BRINP3: variants seen among roughly 807,000 people sequenced by gnomAD.
BRINP3 encodes BMP/retinoic acid inducible neural specific 3.
In BRINP3, 19 loss-of-function variants were observed where a neutral mutation model predicts 71.0. The ratio of observed to expected loss-of-function variants is 0.27; its 90% confidence interval spans 0.19 to 0.39. BRINP3 has a LOEUF of 0.39. Among genes scored for constraint, BRINP3 ranks in the 10% least tolerant of loss-of-function variants. The pLI is 1.00. For synonymous variants in BRINP3, 380 were observed against 337.7 expected (o/e 1.13, Z -1.37); for missense variants, 959 against 940.8 (o/e 1.02, Z -0.25).
chr1:190,196,655 T>C (rs946411526), intron 6 of BRINP3, among the ~76,000 whole-genome samples: 8 of 152,060 alleles, frequency 5.3e-5, no homozygotes, highest in Admixed American at 3.9e-4. Flanking sequence ...CATTAACTGA[T>C]AGGTTTTTTT....
intron 6 of BRINP3, among the ~76,000 whole-genome samples, chr1:190,221,102 C>G (rs1286382145): frequency 1.3e-5 from 2 of 152,076 alleles, no homozygotes; most frequent in Non-Finnish European, 2.9e-5. Context: ...CCTGTAATCC[C>G]AACTACTTGG....
chr1:190,147,698 C>T (rs1656010371), intron 7 of BRINP3, among the ~76,000 whole-genome samples: 1 of 152,176 alleles, frequency 6.6e-6, no homozygotes, highest in Non-Finnish European at 1.5e-5. Context: ...GAAAGACAAG[C>T]TGGAAGTCAG....
At chr1:190,294,497 C>T (rs1664102489) in intron 2 of BRINP3, among the ~76,000 whole-genome samples, 1 of 152,024 alleles carries the variant, frequency 6.6e-6, no homozygotes, top group South Asian at 2.1e-4. Flanking sequence ...AGTGATCCTC[C>T]TGCCTTGGCC....
At chr1:190,276,529 C>T (rs1571604051) in intron 3 of BRINP3, among the ~76,000 whole-genome samples, 1 of 150,786 alleles carries the variant, frequency 6.6e-6, no homozygotes, top group South Asian at 2.1e-4. Flanking sequence ...ATCTTACTAA[C>T]TTCTGACTTA....
At chr1:190,250,518 G>A (rs1184890620) in intron 4 of BRINP3, among the ~76,000 whole-genome samples, 1 of 151,904 alleles carries the variant, frequency 6.6e-6, no homozygotes, top group Admixed American at 6.6e-5. Context: ...TGATAAGCCT[G>A]TCCTTTATGT....
chr1:190,234,320 G>T, intron 5 of BRINP3, 52 bp downstream of exon 5: 1 of 1,356,162 alleles, frequency 7.4e-7, no homozygotes. Context: ...AATCACGACT[G>T]GATAATTGCT....
At chr1:190,099,441 C>G (rs1224623385) in intron 7 of BRINP3, among the ~76,000 whole-genome samples, 3 of 152,056 alleles carry the variant, frequency 2.0e-5, no homozygotes, top group African/African-American at 7.2e-5. Flanking sequence ...ACATTGCATG[C>G]TATCTCATTA....
intron 4 of BRINP3, among the ~76,000 whole-genome samples, chr1:190,258,860 TA>T (rs1364566548): frequency 6.6e-6 from 1 of 152,186 alleles, no homozygotes; most frequent in East Asian, 1.9e-4. Context: ...GAACAAGGGC[TA>T]GGCATAGTGG....
chr1:190,385,288 C>A (rs1370094581), intron 2 of BRINP3, among the ~76,000 whole-genome samples: 1 of 152,088 alleles, frequency 6.6e-6, no homozygotes, highest in Non-Finnish European at 1.5e-5. Context: ...TCAGAGTGAA[C>A]AGACAGCCTA....
intron 2 of BRINP3, among the ~76,000 whole-genome samples, chr1:190,343,839 G>A (rs1667829848): frequency 6.6e-6 from 1 of 151,600 alleles, no homozygotes; most frequent in East Asian, 1.9e-4. Context: ...CAAACAGCAA[G>A]TAGATTTCTT....
intron 6 of BRINP3, among the ~76,000 whole-genome samples, chr1:190,219,047 T>C (rs1656648717): frequency 6.6e-6 from 1 of 152,016 alleles, no homozygotes; most frequent in Non-Finnish European, 1.5e-5. Context: ...ACAACGGCAA[T>C]GCAAATAGGG....
At chr1:190,115,623 C>A (rs1481934790) in intron 7 of BRINP3, among the ~76,000 whole-genome samples, 1 of 152,088 alleles carries the variant, frequency 6.6e-6, no homozygotes, top group Admixed American at 6.6e-5. Context: ...ACAATTACAA[C>A]AATAAAAACA....
intron 4 of BRINP3, among the ~76,000 whole-genome samples, chr1:190,248,915 A>G (rs1264344893): frequency 6.6e-6 from 1 of 151,810 alleles, no homozygotes; most frequent in Non-Finnish European, 1.5e-5. Context: ...TTATTCTCAA[A>G]AGCAAATTAT....
At chr1:190,429,215 G>A (rs764040944) in intron 2 of BRINP3, among the ~76,000 whole-genome samples, 12 of 152,126 alleles carry the variant, frequency 7.9e-5, no homozygotes, top group Non-Finnish European at 1.5e-4. Context: ...ATAAACACTT[G>A]TTCTACAGAT....
chr1:190,328,278 T>C (rs970488214), intron 2 of BRINP3, among the ~76,000 whole-genome samples: 1 of 152,040 alleles, frequency 6.6e-6, no homozygotes. Flanking sequence ...GTTGGTTATT[T>C]GAAAGGATAA....
intron 2 of BRINP3, among the ~76,000 whole-genome samples, chr1:190,327,925 C>CA (rs1256644277): frequency 1.3e-5 from 2 of 151,650 alleles, no homozygotes; most frequent in East Asian, 1.9e-4. Context: ...TCCATAAATT[C>CA]AAAAAAAATC....
chr1:190,119,824 A>G (rs970660772), intron 7 of BRINP3, among the ~76,000 whole-genome samples: 1 of 152,204 alleles, frequency 6.6e-6, no homozygotes, highest in Non-Finnish European at 1.5e-5. Context: ...TGAAATAAGC[A>G]TCATCTAACA....
intron 2 of BRINP3, among the ~76,000 whole-genome samples, chr1:190,443,846 A>G (rs527563406): frequency 5.3e-4 from 81 of 152,260 alleles, no homozygotes; most frequent in Non-Finnish European, 1.1e-3. Flanking sequence ...AAACAATCAG[A>G]ACTCAGCTGC....
In BRINP3 at chr1:190,383,307, T is replaced by G. The variant is rs183853671; in HGVS notation, c.236+71348A>C. The stretch of plus-strand genomic sequence containing the variant: ...AAGTCATTATTTGCCACCTTTAGGT[T>G]GCAATATTATGGCATTTGGTAATTA... On this transcript the variant is annotated intron_variant, in intron 2 of 7. Transcript: ENST00000367462. Among the ~76,000 whole-genome samples, 221 of 152,232 alleles carry G rather than the reference T, an allele frequency of 1.5e-3. 1 individual carries two copies. The highest frequency in any genetic ancestry group is 5.3e-3 in the African/African-American group (219 of 41,574).
Sources: allele counts gnomAD v4.1 joint callset (sites outside exome capture counted in the v4.1 genomes callset), GRCh38; gene constraint gnomAD v4.1.1; transcripts MANE v1.5; gene names NCBI Gene and HGNC (gene_info 2026-07-23, HGNC 2026-07-21).